LRP1B: variants seen among roughly 807,000 people sequenced by gnomAD.
LRP1B encodes the protein low-density lipoprotein receptor-related protein 1B.
Under a neutral mutation model 556.6 loss-of-function variants are expected in LRP1B, and 217 were observed. That is an observed-to-expected ratio of 0.39 (90% CI 0.35 to 0.44). The LOEUF is 0.44. Among genes scored for constraint, LRP1B ranks in the 20% least tolerant of loss-of-function variants. The pLI, the probability that LRP1B is intolerant of heterozygous loss-of-function variation, is 1.00. For missense variants in LRP1B, 5,053 were observed against 5,620.8 expected (o/e 0.90, Z 3.23); for synonymous variants, 2,047 against 1,865.8 (o/e 1.10, Z -2.50).
At chr2:140,838,823 A>C (rs1573787494) in intron 31 of LRP1B, among the ~76,000 whole-genome samples, 1 of 152,326 alleles carries the variant, frequency 6.6e-6, no homozygotes, top group Non-Finnish European at 1.5e-5. Flanking sequence ...AAGGTATGAA[A>C]GAAAACATGA....
At chr2:140,262,795 G>A (rs767010479) in intron 86 of LRP1B, among the ~76,000 whole-genome samples, 17 of 152,164 alleles carry the variant, frequency 1.1e-4, no homozygotes, top group Admixed American at 3.9e-4. Context: ...TCCAGGAGAA[G>A]TTTATTAGTA....
At chr2:141,592,369 C>A (rs1247283350) in intron 2 of LRP1B, among the ~76,000 whole-genome samples, 1 of 152,072 alleles carries the variant, frequency 6.6e-6, no homozygotes, top group Non-Finnish European at 1.5e-5. Context: ...ATTTTGGTTT[C>A]ATAGGTGGCA....
intron 2 of LRP1B, among the ~76,000 whole-genome samples, chr2:141,586,307 T>G (rs1416677708): frequency 6.6e-6 from 1 of 152,174 alleles, no homozygotes; most frequent in African/African-American, 2.4e-5. Flanking sequence ...ATTCTTAGCA[T>G]CAACTCTAGT....
At chr2:140,567,346 G>A (rs1681164303) in intron 43 of LRP1B, among the ~76,000 whole-genome samples, 1 of 152,156 alleles carries the variant, frequency 6.6e-6, no homozygotes, top group African/African-American at 2.4e-5. Flanking sequence ...ACCACTATCT[G>A]CTGACTTATT....
At chr2:140,806,558 C>T (rs939408588) in intron 32 of LRP1B, among the ~76,000 whole-genome samples, 2 of 152,014 alleles carry the variant, frequency 1.3e-5, no homozygotes, top group Non-Finnish European at 2.9e-5. Context: ...CTTATAGGGC[C>T]CAGGGCTCAA....
At chr2:140,610,654 T>C (rs893575548) in intron 41 of LRP1B, among the ~76,000 whole-genome samples, 4 of 152,178 alleles carry the variant, frequency 2.6e-5, no homozygotes, top group East Asian at 1.9e-4. Context: ...GGTGCGATCT[T>C]GGCTCACTGC....
At chr2:141,625,505 A>G (rs2105342193) in intron 2 of LRP1B, among the ~76,000 whole-genome samples, 1 of 152,164 alleles carries the variant, frequency 6.6e-6, no homozygotes. Context: ...TGGTGCTTCT[A>G]TTTTGCCCAC....
intron 3 of LRP1B, among the ~76,000 whole-genome samples, chr2:141,332,983 G>C (rs926293186): frequency 1.3e-5 from 2 of 151,836 alleles, no homozygotes; most frequent in Non-Finnish European, 2.9e-5. Flanking sequence ...AGCTCTTGGA[G>C]TATCTGTGTT....
At chr2:141,283,565 G>C (rs1476558163) in intron 3 of LRP1B, among the ~76,000 whole-genome samples, 1 of 150,668 alleles carries the variant, frequency 6.6e-6, no homozygotes, top group East Asian at 2.0e-4. Context: ...GGGGAAACGA[G>C]AATGGAAACA....
At chr2:141,780,173 T>TA (rs1032436918) in intron 2 of LRP1B, among the ~76,000 whole-genome samples, 8 of 151,286 alleles carry the variant, frequency 5.3e-5, no homozygotes, top group Non-Finnish European at 8.8e-5. Flanking sequence ...TGAGACAATA[T>TA]AAAAAAAAGA....
At chr2:141,411,452 T>C (rs995842315) in intron 3 of LRP1B, among the ~76,000 whole-genome samples, 1 of 152,120 alleles carries the variant, frequency 6.6e-6, no homozygotes, top group Non-Finnish European at 1.5e-5. Context: ...AAAATAACTC[T>C]ACCTATTCAT....
At chr2:140,373,282 A>G in intron 68 of LRP1B, 145 bp from the exon 69 acceptor site, 4 of 698,382 alleles carry the variant, frequency 5.7e-6, no homozygotes, top group Middle Eastern at 3.6e-4. Flanking sequence ...AAAACAACAT[A>G]GATGTAATTA....
At chr2:140,706,635 A>G (rs1215094497) in intron 37 of LRP1B, among the ~76,000 whole-genome samples, 2 of 152,130 alleles carry the variant, frequency 1.3e-5, no homozygotes, top group Non-Finnish European at 2.9e-5. Flanking sequence ...ATGAGCACAT[A>G]TCATGAGTTA....
chr2:140,841,077 C>T lies in LRP1B; in HGVS notation c.4955G>A (p.Arg1652Lys), dbSNP rs2105098221. Residue 1652 changes from arginine to lysine, a missense_variant, in exon 30 of 91, where the codon AGA becomes AAA. Arg to Lys is a conservative substitution (Grantham distance 26). This residue lies in a region of LRP1B where 3,619 missense variants were observed against 3,931.9 expected (regional missense o/e 0.92). Transcript: ENST00000389484. ...TGACACCCAATCCACTGCTAGCCCT[C>T]TGATACTCTGAATATCTATAAAACA... Reference protein sequence around the residue: ...TVISRDIQSIRGLAVDWVSRN... With the variant: ...TVISRDIQSIKGLAVDWVSRN... 1 of 1,608,016 alleles carries T rather than the reference C, an allele frequency of 6.2e-7. No homozygotes were observed. The highest frequency in any genetic ancestry group is 8.5e-7 in the Non-Finnish European group (1 of 1,176,654).
chr2:140,893,181 G>T (rs889385503), intron 23 of LRP1B, among the ~76,000 whole-genome samples: 2 of 152,178 alleles, frequency 1.3e-5, no homozygotes, highest in African/African-American at 4.8e-5. Context: ...GAGAGGAAGA[G>T]AGATCATAAA....
intron 77 of LRP1B, among the ~76,000 whole-genome samples, chr2:140,341,301 T>C (rs1169647930): frequency 6.6e-6 from 1 of 151,490 alleles, no homozygotes; most frequent in Non-Finnish European, 1.5e-5. Flanking sequence ...TTATTACTCC[T>C]TAAACTGACA....
At chr2:140,447,675 T>G (rs1686721526) in intron 63 of LRP1B, among the ~76,000 whole-genome samples, 1 of 152,126 alleles carries the variant, frequency 6.6e-6, no homozygotes, top group South Asian at 2.1e-4. Context: ...TAACTTTTCC[T>G]TTGCATTCAT....
At chr2:141,208,814 A>G (rs1362356225) in intron 6 of LRP1B, among the ~76,000 whole-genome samples, 1 of 132,586 alleles carries the variant, frequency 7.5e-6, no homozygotes, top group East Asian at 2.5e-4. Context: ...GCTTACAGTG[A>G]GCTGAGATCA....
Position 140,517,002 on chromosome 2 carries a change from T to G in LRP1B, c.8036A>C (p.Lys2679Thr). The change falls in exon 50 of 91, where the codon AAA becomes ACA. Residue 2679 changes from lysine (K) to threonine (T), a missense_variant. Lys to Thr is a moderately conservative substitution (Grantham distance 78). Transcript: ENST00000389484. ...AAAATAATTTTCTTCACATTTGTGTTTGTTTTGAACTGTGATAAAATATGG... is the reference window on the plus strand; with the variant it reads ...AAAATAATTTTCTTCACATTTGTGTGTGTTTTGAACTGTGATAAAATATGG... ...SDELKCPVQNKHKCEENYFSC... is the reference protein window; with the variant it reads ...SDELKCPVQNTHKCEENYFSC... 6.3e-7 allele frequency: 1 copy of G among 1,586,352 alleles called. No homozygotes were observed. The highest frequency in any genetic ancestry group is 8.7e-7 in the Non-Finnish European group (1 of 1,155,012).
Sources: gnomAD v4.1 joint callset for allele counts (sites outside exome capture counted in the v4.1 genomes callset) on GRCh38, gnomAD v4.1.1 for gene constraint, gnomAD v4.1.1 regional missense constraint, MANE v1.5 for transcripts, NCBI Gene and HGNC (gene_info 2026-07-23, HGNC 2026-07-21) for gene names.